SPRED1: variants seen among roughly 807,000 people sequenced by gnomAD.
SPRED1 encodes the protein sprouty related EVH1 domain containing 1.
A neutral mutation model predicts 52.3 loss-of-function variants in SPRED1; 18 were observed. The ratio of observed to expected loss-of-function variants is 0.34; its 90% CI spans 0.24 to 0.51. The LOEUF is 0.51. Among genes scored for constraint, SPRED1 ranks in the 20% least tolerant of loss-of-function variants. The pLI is 0.97. For synonymous variants in SPRED1, 155 were observed against 179.7 expected, an observed-to-expected ratio of 0.86 and a Z score of 1.10; for missense variants, 485 against 551.0, an observed-to-expected ratio of 0.88 and a Z score of 1.20.
intron 3 of SPRED1, among the ~76,000 whole-genome samples, chr15:38,324,345 A>G (rs1052523382): frequency 2.0e-5 from 3 of 152,218 alleles, no homozygotes; most frequent in African/African-American, 7.2e-5. Context: ...CATCTTAGCT[A>G]AAGCAACTAA....
chr15:38,298,316 A>G (rs1299203657), intron 1 of SPRED1, among the ~76,000 whole-genome samples: 1 of 152,282 alleles, frequency 6.6e-6, no homozygotes, highest in South Asian at 2.1e-4. Flanking sequence ...TTAAACATGT[A>G]CCTATCCTGT....
intron 4 of SPRED1, among the ~76,000 whole-genome samples, chr15:38,338,783 T>C (rs1485043160): frequency 6.6e-6 from 1 of 152,128 alleles, no homozygotes. Flanking sequence ...TATTTTTTTT[T>C]CTGGAACAAA....
intron 4 of SPRED1, among the ~76,000 whole-genome samples, chr15:38,328,994 A>G (rs1292109449): frequency 6.6e-6 from 1 of 152,188 alleles, no homozygotes; most frequent in Non-Finnish European, 1.5e-5. Flanking sequence ...TGTTGGGATT[A>G]CGGCATGAGT....
At chr15:38,316,534 C>T (rs1228213227) in intron 2 of SPRED1, among the ~76,000 whole-genome samples, 1 of 151,788 alleles carries the variant, frequency 6.6e-6, no homozygotes, top group Non-Finnish European at 1.5e-5. Context: ...GTTGTGCTAC[C>T]AAATACACCA....
chr15:38,286,643 T>C (rs1477967899), intron 1 of SPRED1, among the ~76,000 whole-genome samples: 3 of 152,174 alleles, frequency 2.0e-5, no homozygotes, highest in Non-Finnish European at 4.4e-5. Context: ...AATACATTTT[T>C]ATTGTTGTAC....
intron 1 of SPRED1, among the ~76,000 whole-genome samples, chr15:38,296,696 C>T (rs1477896530): frequency 2.6e-5 from 4 of 152,172 alleles, no homozygotes; most frequent in African/African-American, 9.7e-5. Flanking sequence ...TCTCTCTATT[C>T]ATCTTCGTGT....
chr15:38,346,151 A>G lies in SPRED1; in HGVS notation c.583-3271A>G, dbSNP rs192222257. 3.0e-3 allele frequency among the ~76,000 whole-genome samples: 453 copies of G among 152,190 alleles called. 2 individuals are homozygous for G. Among genetic ancestry groups the G allele is most frequent in the African/African-American group, 0.011 (441 of 41,534 alleles). ...CTAGGCATTTGAGACCACCTGGGCA[A>G]CATAGCAAGATTCCATCTCATATAT... On this transcript the variant is annotated intron_variant, in intron 5 of 6. Transcript: ENST00000299084.
At chr15:38,313,724 GAATTCATAC>G (rs1292062144) in intron 2 of SPRED1, among the ~76,000 whole-genome samples, 1 of 151,502 alleles carries the variant, frequency 6.6e-6, no homozygotes, top group Non-Finnish European at 1.5e-5. Context: ...ATTTTTAAAT[GAATTCATAC>G]TCTTTATTTC....
At chr15:38,257,472 T>A (rs1894122681) in intron 1 of SPRED1, among the ~76,000 whole-genome samples, 1 of 152,146 alleles carries the variant, frequency 6.6e-6, no homozygotes, top group Admixed American at 6.5e-5. Context: ...CCTTTTTTTT[T>A]AAGAAAAGAC....
intron 1 of SPRED1, among the ~76,000 whole-genome samples, chr15:38,255,432 C>G (rs893594730): frequency 1.3e-5 from 2 of 151,842 alleles, no homozygotes; most frequent in Non-Finnish European, 2.9e-5. Context: ...TTGGGCAGGG[C>G]GATAATAATA....
At chr15:38,274,751 C>T (rs2140959410) in intron 1 of SPRED1, among the ~76,000 whole-genome samples, 1 of 152,298 alleles carries the variant, frequency 6.6e-6, no homozygotes, top group East Asian at 1.9e-4. Flanking sequence ...GGTGAAACAG[C>T]TGTTCAGCCT....
At chr15:38,271,226 A>G (rs937876387) in intron 1 of SPRED1, among the ~76,000 whole-genome samples, 1 of 152,224 alleles carries the variant, frequency 6.6e-6, no homozygotes, top group Admixed American at 6.5e-5. Flanking sequence ...CTGTTTCAGT[A>G]AGGAAATGTC....
intron 4 of SPRED1, among the ~76,000 whole-genome samples, chr15:38,325,725 A>G (rs993821997): frequency 6.6e-6 from 1 of 152,134 alleles, no homozygotes; most frequent in Non-Finnish European, 1.5e-5. Flanking sequence ...CGTTCAGACA[A>G]TAGCCATATT....
At chr15:38,333,214 A>G (rs1246345354) in intron 4 of SPRED1, among the ~76,000 whole-genome samples, 1 of 152,198 alleles carries the variant, frequency 6.6e-6, no homozygotes, top group African/African-American at 2.4e-5. Context: ...GGAGGGAGTG[A>G]TTAACTTGTG....
chr15:38,334,404 T>C (rs1358767256), intron 4 of SPRED1, among the ~76,000 whole-genome samples: 2 of 152,090 alleles, frequency 1.3e-5, no homozygotes, highest in African/African-American at 4.8e-5. Context: ...GGGTGACAAA[T>C]GTACACGTTC....
At chr15:38,283,903 A>C (rs1232535743) in intron 1 of SPRED1, among the ~76,000 whole-genome samples, 4 of 152,180 alleles carry the variant, frequency 2.6e-5, no homozygotes, top group Non-Finnish European at 5.9e-5. Flanking sequence ...TAATAGTAAA[A>C]ACTAATGGTA....
intron 1 of SPRED1, among the ~76,000 whole-genome samples, chr15:38,281,351 A>C (rs918457398): frequency 2.6e-5 from 4 of 152,098 alleles, no homozygotes; most frequent in African/African-American, 9.7e-5. Context: ...AGTGTGTCAG[A>C]TTAGTCTAGA....
intron 1 of SPRED1, among the ~76,000 whole-genome samples, chr15:38,279,938 T>C (rs186285255): frequency 5.6e-4 from 85 of 152,300 alleles, no homozygotes; most frequent in Non-Finnish European, 1.1e-3. Flanking sequence ...TTTTCTTCCT[T>C]AATTTTATAG....
intron 1 of SPRED1, among the ~76,000 whole-genome samples, chr15:38,291,409 T>G (rs1894921102): frequency 7.9e-5 from 12 of 152,198 alleles, no homozygotes. Context: ...GTCTGGTAAA[T>G]GGTGGCCCTC....
Sources: gnomAD v4.1 joint callset for allele counts (sites outside exome capture counted in the v4.1 genomes callset) on GRCh38, gnomAD v4.1.1 for gene constraint, MANE v1.5 for transcripts, NCBI Gene and HGNC (gene_info 2026-07-23, HGNC 2026-07-21) for gene names.